The following CA10 variants were observed in gnomAD, a reference collection of about 807,000 sequenced individuals.
CA10 encodes the protein carbonic anhydrase-related protein 10.
CA10 carries 14 observed loss-of-function variants against 44.2 expected under a neutral mutation model. The observed-to-expected ratio is 0.32, with a 90% CI of 0.21 to 0.50. The LOEUF is 0.50. CA10 is among the 20% of genes least tolerant of loss of function. CA10 has a pLI of 0.99. For missense variants in CA10, 350 were observed against 409.7 expected, an observed-to-expected ratio of 0.85 and a Z score of 1.26; for synonymous variants, 159 against 141.6, an observed-to-expected ratio of 1.12 and a Z score of -0.87.
intron 3 of CA10, among the ~76,000 whole-genome samples, chr17:51,789,071 G>A (rs146243022): frequency 7.8e-4 from 118 of 152,080 alleles, no homozygotes; most frequent in African/African-American, 2.4e-3. Flanking sequence ...GTGCAGTGGC[G>A]CGATCTCAGC....
At chr17:52,107,255 C>G (rs1306258938) in intron 1 of CA10, among the ~76,000 whole-genome samples, 1 of 152,072 alleles carries the variant, frequency 6.6e-6, no homozygotes, top group African/African-American at 2.4e-5. Flanking sequence ...AGTTCTGATT[C>G]CCTTTTACTC....
At chr17:52,119,667 G>A (rs1304670154) in intron 1 of CA10, among the ~76,000 whole-genome samples, 3 of 152,318 alleles carry the variant, frequency 2.0e-5, no homozygotes, top group Non-Finnish European at 4.4e-5. Flanking sequence ...AAAGGCCTAT[G>A]TAAAAATAAT....
At chr17:51,883,188 A>G (rs1422092423) in intron 3 of CA10, among the ~76,000 whole-genome samples, 1 of 152,190 alleles carries the variant, frequency 6.6e-6, no homozygotes, top group East Asian at 1.9e-4. Context: ...ACTTGGACAT[A>G]CACACACATA....
At chr17:52,073,380 A>G (rs375714089) in intron 1 of CA10, among the ~76,000 whole-genome samples, 6 of 152,062 alleles carry the variant, frequency 3.9e-5, no homozygotes, top group African/African-American at 9.7e-5. Flanking sequence ...TAGTTTCCAG[A>G]TAAGCTTGGA....
intron 3 of CA10, among the ~76,000 whole-genome samples, chr17:51,836,212 C>A (rs750420177): frequency 1.3e-5 from 2 of 152,118 alleles, no homozygotes; most frequent in Non-Finnish European, 2.9e-5. Flanking sequence ...GTTGACTTGG[C>A]CAAAAAGCAA....
chr17:51,704,425 T>C (rs1333167847), intron 4 of CA10, among the ~76,000 whole-genome samples: 1 of 152,236 alleles, frequency 6.6e-6, no homozygotes, highest in Non-Finnish European at 1.5e-5. Context: ...CCTGTGGTCT[T>C]GGGCAAGTGT....
intron 3 of CA10, among the ~76,000 whole-genome samples, chr17:51,867,447 G>T (rs925140072): frequency 4.6e-5 from 7 of 152,278 alleles, no homozygotes; most frequent in South Asian, 4.2e-4. Flanking sequence ...ACATGTATTA[G>T]CTTTGAAGTG....
chr17:51,807,640 C>T (rs1332455609), intron 3 of CA10, among the ~76,000 whole-genome samples: 1 of 152,210 alleles, frequency 6.6e-6, no homozygotes, highest in African/African-American at 2.4e-5. Context: ...TGAGTGCTTA[C>T]ATTGCGGTAT....
intron 7 of CA10, among the ~76,000 whole-genome samples, 165 bp from the exon 8 acceptor site, chr17:51,633,815 AAGG>A (rs1433391135): frequency 2.0e-5 from 3 of 152,256 alleles, no homozygotes; most frequent in Non-Finnish European, 4.4e-5. Flanking sequence ...AGTTGAGCTG[AAGG>A]CCCATTATAC....
chr17:51,955,554 T>G (rs745538074), intron 2 of CA10, among the ~76,000 whole-genome samples: 19 of 152,126 alleles, frequency 1.2e-4, no homozygotes, highest in Non-Finnish European at 2.4e-4. Context: ...CTTTCATCAA[T>G]CAATATTCTC....
At position 51,630,506 on chromosome 17, in the gene CA10, G is replaced by T. The variant is rs1187095378; in HGVS notation, c.*1078C>A. ...ATTCCTTCACGGGAGCATCACAGGG[G>T]GGCATGGCAGTTTTGAAACGCAAGA... is the stretch of plus-strand genomic sequence containing the variant. On this transcript the variant is annotated 3_prime_UTR_variant, in exon 9 of 9. Transcript: ENST00000451037. 6.6e-6 allele frequency: 1 copy of T among 152,636 alleles called. No individual in the cohort carries two copies. Among genetic ancestry groups the T allele is most frequent in the Non-Finnish European group, 1.5e-5 (1 of 68,044 alleles). 9.5% of individuals were successfully genotyped at this position (152,636 alleles called of 1,614,324 possible).
intron 1 of CA10, among the ~76,000 whole-genome samples, chr17:52,080,916 C>T (rs894393398): frequency 2.6e-5 from 4 of 152,150 alleles, no homozygotes; most frequent in Non-Finnish European, 2.9e-5. Context: ...ATTCAAGAAA[C>T]ATCTAGTGAG....
intron 4 of CA10, among the ~76,000 whole-genome samples, chr17:51,680,517 G>C (rs752419477): frequency 6.6e-6 from 1 of 152,214 alleles, no homozygotes; most frequent in Non-Finnish European, 1.5e-5. Flanking sequence ...ATTTCTGGGT[G>C]AGCATTTGGA....
intron 2 of CA10, among the ~76,000 whole-genome samples, chr17:51,990,752 C>A (rs1005393024): frequency 1.3e-5 from 2 of 152,030 alleles, no homozygotes; most frequent in African/African-American, 4.8e-5. Flanking sequence ...CATTTGACTG[C>A]AATAAAGTGG....
chr17:51,868,951 T>C (rs1979681785), intron 3 of CA10, among the ~76,000 whole-genome samples: 1 of 151,442 alleles, frequency 6.6e-6, no homozygotes, highest in African/African-American at 2.4e-5. Context: ...GTATAAAAAA[T>C]GGAAAATCAA....
intron 1 of CA10, among the ~76,000 whole-genome samples, chr17:52,128,779 G>A (rs892678931): frequency 1.3e-5 from 2 of 152,066 alleles, no homozygotes; most frequent in East Asian, 3.9e-4. Context: ...CCAGATTTTA[G>A]TCTTTTGGGC....
chr17:51,705,510 A>G (rs1010305469), intron 4 of CA10, among the ~76,000 whole-genome samples: 6 of 152,196 alleles, frequency 3.9e-5, no homozygotes, highest in Admixed American at 2.6e-4. Flanking sequence ...CCCAGCAAGC[A>G]TTCGTCTGAA....
chr17:52,098,186 T>C (rs751242664), intron 1 of CA10, among the ~76,000 whole-genome samples: 4 of 152,256 alleles, frequency 2.6e-5, no homozygotes, highest in Non-Finnish European at 5.9e-5. Flanking sequence ...AATCACTCTC[T>C]GTCACATCTA....
At position 51,795,778 on chromosome 17, in the gene CA10, C is replaced by T. The variant is rs113515131; in HGVS notation, c.280-47960G>A. Among the ~76,000 whole-genome samples, 674 of 152,350 alleles carry T rather than the reference C, an allele frequency of 4.4e-3. 4 individuals carry two copies. Among genetic ancestry groups the T allele is most frequent in the African/African-American group, 0.015 (641 of 41,582 alleles). On this transcript the variant is annotated intron_variant, in intron 3 of 8. Transcript: ENST00000451037. ...AGGTGACCTCTGCATGGCCTTCATC[C>T]TCACTCGTGGTGGTCACAGGGCATC...
Sources: gnomAD v4.1 joint callset for allele counts (sites outside exome capture counted in the v4.1 genomes callset) on GRCh38, gnomAD v4.1.1 for gene constraint, MANE v1.5 for transcripts, NCBI Gene and HGNC (gene_info 2026-07-23, HGNC 2026-07-21) for gene names.